FRMD1: variants seen among roughly 807,000 people sequenced by gnomAD.
The protein encoded by FRMD1 is FERM domain containing 1.
In FRMD1, 51 loss-of-function variants were observed where a neutral mutation model predicts 54.9. That is an observed-to-expected ratio of 0.93 (90% CI 0.74 to 1.17). The LOEUF is 1.17. FRMD1 is among the 50% of genes most tolerant of loss of function. FRMD1 has a pLI of 0.00. For missense variants in FRMD1, 729 were observed against 743.0 expected, an observed-to-expected ratio of 0.98 and a Z score of 0.22; for synonymous variants, 324 against 306.4, an observed-to-expected ratio of 1.06 and a Z score of -0.60.
At chr6:168,079,585 G>C (rs1800770229), upstream of FRMD1, among the ~76,000 whole-genome samples, 1 of 152,204 alleles carries the variant, frequency 6.6e-6, no homozygotes, top group Non-Finnish European at 1.5e-5. Flanking sequence ...AGGCAGCCTG[G>C]GTGGGCACCC....
chr6:168,053,780 T>G lies in FRMD1; in HGVS notation c.*3317A>C, dbSNP rs2114929599. On this transcript the variant is annotated 3_prime_UTR_variant, in exon 11 of 11. Coordinates refer to ENST00000283309, the MANE Select transcript of FRMD1 (RefSeq NM_024919.6). Reference sequence around the variant, plus strand: ...GAGTCCATGGGCCACGACGGGCTGATGCTCGGCTTGGGAACCACCTCTCCT... The same window carrying G: ...GAGTCCATGGGCCACGACGGGCTGAGGCTCGGCTTGGGAACCACCTCTCCT... The G allele has an allele frequency of 6.6e-6, 1 of 152,374 alleles. No homozygotes were observed. The highest frequency in any genetic ancestry group is 2.4e-5 in the African/African-American group (1 of 41,600). 9.4% of individuals were successfully genotyped at this position (152,374 alleles called of 1,614,324 possible).
At chr6:168,067,894 G>A (rs1800125055) in intron 2 of FRMD1, among the ~76,000 whole-genome samples, 1 of 151,766 alleles carries the variant, frequency 6.6e-6, no homozygotes, top group South Asian at 2.1e-4. Context: ...AGGATTGCTT[G>A]AGGCCAGGAA....
upstream of FRMD1, among the ~76,000 whole-genome samples, chr6:168,084,290 T>C (rs1312989675): frequency 1.3e-5 from 2 of 152,156 alleles, no homozygotes; most frequent in Non-Finnish European, 2.9e-5. Flanking sequence ...ATTAGGAGCC[T>C]CCAGGGCAGG....
chr6:168,067,625 C>G (rs1800110813), intron 2 of FRMD1, 179 bp from the exon 3 acceptor site: 1 of 549,950 alleles, frequency 1.8e-6, no homozygotes, highest in Admixed American at 3.6e-5. Context: ...TCTTAACACA[C>G]ATGCAGGTGT....
rs191551004 is a variant in FRMD1 at position 168,075,204 on chromosome 6, C to G, written c.304+41G>C. 719 of 1,570,542 alleles carry G rather than the reference C, an allele frequency of 4.6e-4. 1 individual carries two copies. The African/African-American group carries it at 7.7e-3, about 17-fold the overall frequency. On this transcript the variant is annotated intron_variant, in intron 2 of 10. Coordinates refer to ENST00000283309, the MANE Select transcript of FRMD1 (RefSeq NM_024919.6). ...CCCCCTTGACCTCCAGCAGATGCGG[C>G]CCCTGGGCATTCCTGCAGGTGGGGA...
intron 2 of FRMD1, among the ~76,000 whole-genome samples, chr6:168,071,888 A>C (rs970534902): frequency 6.6e-6 from 1 of 152,226 alleles, no homozygotes; most frequent in Admixed American, 6.5e-5. Context: ...TCCTGTGCTG[A>C]CCTTCAGGAC....
chr6:168,074,074 G>T (rs1178160407), intron 2 of FRMD1, among the ~76,000 whole-genome samples: 2 of 152,118 alleles, frequency 1.3e-5, no homozygotes, highest in African/African-American at 4.8e-5. Context: ...CTATAGATGA[G>T]AAGCCACCAG....
In FRMD1 at chr6:168,078,812, ACGGCCACCCGGAGCCC is replaced by A. The variant is rs1562430636; in HGVS notation, c.213+54_213+69del. The A allele has an allele frequency of 2.4e-4, 278 of 1,155,290 alleles. No homozygotes were observed. In the African/African-American group the frequency reaches 3.3e-3, roughly 14 times the overall value. The allele number at this position is 1,155,290 out of a possible 1,614,324, so 71.6% of individuals were successfully genotyped here. ...GCCACCCAGGGCCCTGCTCACCCCC[ACGGCCACCCGGAGCCC>A]TGCTCACCCCCACAGCTCTGTTTAC... On this transcript the variant is annotated intron_variant, in intron 1 of 10. Transcript: ENST00000283309.
chr6:168,080,290 G>A (rs1254101383), upstream of FRMD1, among the ~76,000 whole-genome samples: 6 of 140,578 alleles, frequency 4.3e-5, no homozygotes, highest in African/African-American at 1.3e-4. Context: ...CCCTCCCTCC[G>A]CTCAGATCCA....
upstream of FRMD1, among the ~76,000 whole-genome samples, chr6:168,084,214 G>T (rs774959891): frequency 6.6e-6 from 1 of 152,186 alleles, no homozygotes; most frequent in East Asian, 1.9e-4. Context: ...AGCTTCTAGG[G>T]ATTAGACGGA....
At chr6:168,066,285 G>A in intron 4 of FRMD1, 1 of 851,680 alleles carries the variant, frequency 1.2e-6, no homozygotes. Context: ...GATCACCTGA[G>A]GTCGGGAGTT....
intron 1 of FRMD1, among the ~76,000 whole-genome samples, chr6:168,090,223 C>G (rs1017626320): frequency 6.6e-6 from 1 of 152,118 alleles, no homozygotes; most frequent in Admixed American, 6.5e-5. Context: ...TGTCCCTCTG[C>G]CCCCCACGCT....
chr6:168,076,587 A>T (rs571163372), intron 1 of FRMD1, among the ~76,000 whole-genome samples: 12 of 152,234 alleles, frequency 7.9e-5, no homozygotes, highest in African/African-American at 2.6e-4. Context: ...CTCTCCTGCC[A>T]CCCTGTGAAG....
intron 1 of FRMD1, among the ~76,000 whole-genome samples, chr6:168,090,280 T>G (rs1401701914): frequency 6.6e-6 from 1 of 152,184 alleles, no homozygotes; most frequent in East Asian, 1.9e-4. Context: ...AGAGAACTCC[T>G]GCTCAAAGCC....
intron 3 of FRMD1, chr6:168,067,145 G>A (rs1203338188): frequency 1.4e-6 from 1 of 702,810 alleles, no homozygotes; most frequent in Admixed American, 2.0e-5. Context: ...TGGACAGAAG[G>A]CAGCACATTG....
chr6:168,071,733 G>T (rs796472081), intron 2 of FRMD1, among the ~76,000 whole-genome samples: 1 of 152,222 alleles, frequency 6.6e-6, no homozygotes, highest in Non-Finnish European at 1.5e-5. Flanking sequence ...AACTCCCTCC[G>T]CAGGGTAAAG....
At chr6:168,075,456 G>T (rs1800543320) in intron 1 of FRMD1, 121 bp from the exon 2 acceptor site, 2 of 773,308 alleles carry the variant, frequency 2.6e-6, no homozygotes, top group East Asian at 2.6e-5. Context: ...TCCCCTGCAG[G>T]TAACAGGTCT....
intron 5 of FRMD1, among the ~76,000 whole-genome samples, 177 bp downstream of exon 5, chr6:168,064,694 G>A (rs573812397): frequency 2.0e-5 from 3 of 152,354 alleles, no homozygotes; most frequent in Admixed American, 2.0e-4. Context: ...TTTGGGGGTG[G>A]TAAGGACCCT....
At chr6:168,070,073 A>C (rs1800222537) in intron 2 of FRMD1, among the ~76,000 whole-genome samples, 1 of 152,042 alleles carries the variant, frequency 6.6e-6, no homozygotes, top group African/African-American at 2.4e-5. Context: ...AAAATACAAA[A>C]GGTATCTGGC....
Sources: gnomAD v4.1 joint callset for allele counts (sites outside exome capture counted in the v4.1 genomes callset) on GRCh38, gnomAD v4.1.1 for gene constraint, MANE v1.5 for transcripts, NCBI Gene and HGNC (gene_info 2026-07-23, HGNC 2026-07-21) for gene names.